ANKH: variants seen among roughly 807,000 people sequenced by gnomAD.
ANKH encodes the protein mineralization regulator ANKH.
A neutral mutation model predicts 49.0 loss-of-function variants in ANKH; 15 were observed. The observed-to-expected ratio is 0.31, with a 90% CI of 0.20 to 0.47. ANKH has a LOEUF of 0.47. Ranked by LOEUF, ANKH falls within the 20% of genes least tolerant of loss-of-function variation. The probability of loss-of-function intolerance (pLI) is 1.00; values close to 1 mark genes in which losing one functional copy is unlikely to be tolerated. For synonymous variants in ANKH, 273 were observed against 260.0 expected (o/e 1.05, Z -0.48); for missense variants, 429 against 652.0 (o/e 0.66, Z 3.72).
chr5:14,750,961 C>G, intron 5 of ANKH, 108 bp downstream of exon 5: 1 of 1,429,686 alleles, frequency 7.0e-7, no homozygotes, highest in African/African-American at 1.4e-5. Flanking sequence ...GACATCCTGG[C>G]CAACTTCATG....
intron 1 of ANKH, among the ~76,000 whole-genome samples, chr5:14,809,354 A>AAAAAAAAAAAAAAG (rs1561065397): frequency 1.7e-4 from 22 of 130,276 alleles, no homozygotes; most frequent in South Asian, 5.5e-4. Flanking sequence ...AAAAAAAAAA[A>AAAAAAAAAAAAAAG]AAAGAAAAAA....
chr5:14,804,241 T>C (rs985929056), intron 1 of ANKH, among the ~76,000 whole-genome samples: 4 of 152,186 alleles, frequency 2.6e-5, no homozygotes, highest in Non-Finnish European at 4.4e-5. Flanking sequence ...CAGAGAGAAT[T>C]TCATTACTCA....
chr5:14,829,737 G>T (rs1255014932), intron 1 of ANKH, among the ~76,000 whole-genome samples: 1 of 152,096 alleles, frequency 6.6e-6, no homozygotes. Flanking sequence ...CATTTCCTGC[G>T]TTTTATTTAG....
chr5:14,779,880 A>G (rs1364141360), intron 1 of ANKH, among the ~76,000 whole-genome samples: 1 of 152,220 alleles, frequency 6.6e-6, no homozygotes, highest in African/African-American at 2.4e-5. Context: ...GAATGCAGCA[A>G]TGGGACACAT....
intron 1 of ANKH, among the ~76,000 whole-genome samples, chr5:14,792,975 CATATATATATATAAAA>C (rs1161234660): frequency 0.011 from 1,154 of 102,722 alleles, 34 homozygotes; most frequent in African/African-American, 0.042. Flanking sequence ...GAAACTCCAT[CATATATATATATAAAA>C]ATATATATAT....
chr5:14,820,949 A>G (rs1427071998), intron 1 of ANKH, among the ~76,000 whole-genome samples: 3 of 152,088 alleles, frequency 2.0e-5, no homozygotes, highest in Non-Finnish European at 4.4e-5. Flanking sequence ...ATACAAACAA[A>G]TTAGCTGGGG....
Position 14,728,058 on chromosome 5 carries a change from AC to A in ANKH, c.1012-11224del, listed in dbSNP as rs1164047310. 6.6e-5 allele frequency among the ~76,000 whole-genome samples: 10 copies of A among 152,256 alleles called. No individual in the cohort carries two copies. In the South Asian group the frequency reaches 1.9e-3, roughly 28 times the overall value. On this transcript the variant is annotated intron_variant, in intron 8 of 11. Transcript: ENST00000284268. Reference sequence around the variant, plus strand: ...TTCCCCCAAAACAAACCAATCAACCACTCAAATCTGCTATACGTGCTGGATT... The same window carrying A: ...TTCCCCCAAAACAAACCAATCAACCATCAAATCTGCTATACGTGCTGGATT...
At chr5:14,771,694 G>A (rs978667879) in intron 1 of ANKH, among the ~76,000 whole-genome samples, 3 of 152,072 alleles carry the variant, frequency 2.0e-5, no homozygotes, top group African/African-American at 7.2e-5. Flanking sequence ...GCTGAGATGG[G>A]CAGATCCCTT....
At chr5:14,865,117 A>G (rs1735607087) in intron 1 of ANKH, among the ~76,000 whole-genome samples, 1 of 152,132 alleles carries the variant, frequency 6.6e-6, no homozygotes, top group Non-Finnish European at 1.5e-5. Context: ...AAAATTAGCC[A>G]GGCATGGTGA....
intron 11 of ANKH, among the ~76,000 whole-genome samples, chr5:14,712,466 G>A (rs1378280949): frequency 5.3e-5 from 8 of 152,230 alleles, no homozygotes; most frequent in South Asian, 2.1e-4. Flanking sequence ...GAGGCTGCCC[G>A]AGCTCCTGTC....
intron 7 of ANKH, among the ~76,000 whole-genome samples, chr5:14,742,453 T>C (rs1172248387): frequency 6.6e-6 from 1 of 152,208 alleles, no homozygotes; most frequent in Non-Finnish European, 1.5e-5. Flanking sequence ...TTCCTGCTCT[T>C]CCCCTGACAC....
At chr5:14,792,438 A>G (rs1024573611) in intron 1 of ANKH, among the ~76,000 whole-genome samples, 1 of 152,176 alleles carries the variant, frequency 6.6e-6, no homozygotes, top group Admixed American at 6.5e-5. Context: ...GTGAAAGCCA[A>G]CATTTATTTG....
intron 8 of ANKH, chr5:14,741,514 C>T (rs771064542): frequency 4.1e-5 from 12 of 293,688 alleles, no homozygotes; most frequent in Non-Finnish European, 2.0e-5. Context: ...AGTTGACTTT[C>T]GATGTTTAAA....
intron 1 of ANKH, among the ~76,000 whole-genome samples, chr5:14,814,888 G>A (rs1424267687): frequency 6.6e-6 from 1 of 152,124 alleles, no homozygotes; most frequent in Non-Finnish European, 1.5e-5. Context: ...ACGAGTTTGG[G>A]AGCAGGGCTG....
chr5:14,758,710 A>T, intron 2 of ANKH, 112 bp from the exon 3 acceptor site: 1 of 872,122 alleles, frequency 1.1e-6, no homozygotes, highest in Non-Finnish European at 1.9e-6. Context: ...TTCGTCATAG[A>T]AAAATTAGAT....
intron 1 of ANKH, chr5:14,826,092 T>C (rs891746468): frequency 6.5e-6 from 1 of 154,146 alleles, no homozygotes; most frequent in African/African-American, 2.4e-5. Flanking sequence ...ACTAACGCAA[T>C]GTATGCATGG....
intron 2 of ANKH, among the ~76,000 whole-genome samples, chr5:14,763,313 G>A (rs1739149328): frequency 6.6e-6 from 1 of 152,178 alleles, no homozygotes. Context: ...TTTCACCCCT[G>A]TGCTTCTAGG....
At chr5:14,821,767 T>C (rs914992559) in intron 1 of ANKH, among the ~76,000 whole-genome samples, 1 of 152,248 alleles carries the variant, frequency 6.6e-6, no homozygotes, top group Non-Finnish European at 1.5e-5. Flanking sequence ...CATGTGGCTA[T>C]GGCAACAGTA....
chr5:14,706,819 C>T lies in ANKH; in HGVS notation c.*4378G>A, dbSNP rs770565563. 1.1e-4 allele frequency: 17 copies of T among 152,140 alleles called. No homozygotes were observed. Among genetic ancestry groups the T allele is most frequent in the Non-Finnish European group, 1.9e-4 (13 of 68,040 alleles). The allele number at this position is 152,140 out of a possible 1,614,324, so 9.4% of individuals were successfully genotyped here. A position where few individuals can be genotyped will look rare whatever the true frequency, so the allele number is the denominator to read the frequency against. The stretch of plus-strand genomic sequence containing the variant: ...ACCACACAGAGGAGTATCCCAGACA[C>T]GTTGCTCAAAAACATGCTTTCCTAC... On this transcript the variant is annotated 3_prime_UTR_variant, in exon 12 of 12. Transcript: ENST00000284268.
Sources: gnomAD v4.1 joint callset for allele counts (sites outside exome capture counted in the v4.1 genomes callset) on GRCh38, gnomAD v4.1.1 for gene constraint, MANE v1.5 for transcripts, NCBI Gene and HGNC (gene_info 2026-07-23, HGNC 2026-07-21) for gene names.